The following PARVB variants were observed in gnomAD, a reference collection of about 807,000 sequenced individuals.
PARVB encodes parvin beta.
In PARVB, 46 loss-of-function variants were observed where a neutral mutation model predicts 47.0. The ratio of observed to expected loss-of-function variants is 0.98; its 90% confidence interval spans 0.77 to 1.25. PARVB has a LOEUF of 1.25. PARVB is among the 50% of genes most tolerant of loss of function. The pLI is 0.00. For missense variants in PARVB, 473 were observed against 471.6 expected, an observed-to-expected ratio of 1.00 and a Z score of -0.03; for synonymous variants, 196 against 196.3, an observed-to-expected ratio of 1.00 and a Z score of 0.01.
rs137920524 is a variant in PARVB, at chr22:44,122,488, A to G, written c.376+3348A>G. Among the ~76,000 whole-genome samples the G allele has an allele frequency of 4.8e-3, 367 of 76,642 alleles. 2 individuals are homozygous for G. Among genetic ancestry groups the G allele is most frequent in the East Asian group, 0.039 (102 of 2,610 alleles). The allele number at this position is 76,642 out of a possible 152,430, so 50.3% of individuals were successfully genotyped here. A position where few individuals can be genotyped will look rare whatever the true frequency, so the allele number is the denominator to read the frequency against. ...GCAACAGAGTGAGACCCTGTCGATC[A>G]AGAGAGAGAGAGAGAGAGAGAGAGA... On this transcript the variant is annotated intron_variant, in intron 4 of 12. Coordinates refer to ENST00000338758, the MANE Select transcript of PARVB (RefSeq NM_013327.5).
intron 1 of PARVB, among the ~76,000 whole-genome samples, chr22:44,093,001 A>G (rs2052208745): frequency 6.6e-6 from 1 of 152,194 alleles, no homozygotes; most frequent in Non-Finnish European, 1.5e-5. Context: ...GTGATCAGGG[A>G]CTGCTCCCCA....
chr22:44,131,396 C>T, intron 4 of PARVB, 91 bp from the exon 5 acceptor site: 2 of 1,392,976 alleles, frequency 1.4e-6, no homozygotes, highest in Non-Finnish European at 2.0e-6. Flanking sequence ...CCCACCTCGG[C>T]CTCTCAAACT....
intron 1 of PARVB, among the ~76,000 whole-genome samples, chr22:44,077,886 C>T (rs770710244): frequency 6.6e-6 from 1 of 151,972 alleles, no homozygotes; most frequent in Non-Finnish European, 1.5e-5. Flanking sequence ...TTAGTTGAGA[C>T]GGGTTTTCAC....
chr22:44,066,043 T>A lies in PARVB; in HGVS notation c.113-27885T>A, dbSNP rs1476487806. ...ATACCCAGTAGTCTCCTACTTCTTT[T>A]TAAAGGAAGCCTTGCTCTTTCTTAA... On this transcript the variant is annotated intron_variant, in intron 1 of 12. Transcript: ENST00000338758. Among the ~76,000 whole-genome samples the A allele has an allele frequency of 3.1e-4, 47 of 152,164 alleles. 1 individual carries two copies. Among genetic ancestry groups the A allele is most frequent in the Admixed American group, 3.1e-3 (47 of 15,264 alleles).
chr22:44,023,610 G>C (rs1033081778), upstream of PARVB, among the ~76,000 whole-genome samples: 14 of 150,190 alleles, frequency 9.3e-5, no homozygotes, highest in East Asian at 2.5e-3. Flanking sequence ...AATAAAAATA[G>C]CCCTGTCTGG....
rs117434547 is a variant in PARVB, at chr22:44,072,829, T to C, written c.113-21099T>C. On this transcript the variant is annotated intron_variant, in intron 1 of 12. Transcript: ENST00000338758. ...GAAAGGAACAAGTTTCCGTCATGAATAAGTCCCCTACCTACTAGGGATGTA... is the reference window on the plus strand; with the variant it reads ...GAAAGGAACAAGTTTCCGTCATGAACAAGTCCCCTACCTACTAGGGATGTA... Among the ~76,000 whole-genome samples the C allele has an allele frequency of 3.9e-4, 60 of 152,262 alleles. 2 individuals are homozygous for C. In the East Asian group the frequency reaches 0.01, roughly 26 times the overall value.
intron 3 of PARVB, chr22:44,114,611 C>G (rs1453794578): frequency 1.2e-5 from 1 of 81,494 alleles, no homozygotes; most frequent in East Asian, 4.9e-4. Flanking sequence ...TACATTGTTA[C>G]TAAGGCCCTG....
chr22:44,140,760 A>G, intron 8 of PARVB: 1 of 346,698 alleles, frequency 2.9e-6, no homozygotes, highest in South Asian at 2.1e-5. Flanking sequence ...TGGCCGGGGG[A>G]CAGCCCTCTA....
chr22:44,138,579 G>C (rs1467110388), intron 7 of PARVB, among the ~76,000 whole-genome samples: 1 of 152,182 alleles, frequency 6.6e-6, no homozygotes, highest in Non-Finnish European at 1.5e-5. Context: ...TTGGATGTCT[G>C]CTGAAAACCA....
intron 1 of PARVB, among the ~76,000 whole-genome samples, chr22:44,027,516 G>A (rs7288265): frequency 0.45 from 68,359 of 152,140 alleles, 16,664 homozygotes; most frequent in East Asian, 0.66. Context: ...TGAAGGCAGC[G>A]GGGCGAGAGC....
At position 44,038,880 on chromosome 22, in the gene PARVB, C is replaced by T. The variant is rs1358711411; in HGVS notation, c.112+14429C>T. Among the ~76,000 whole-genome samples the T allele has an allele frequency of 2.0e-5, 3 of 152,130 alleles. No individual in the cohort carries two copies. The East Asian group carries it at 5.8e-4, about 29-fold the overall frequency. ...ACATGTTTGATAAAAGACTGGGGTC[C>T]AGGAGATGGAGAGAACTTCCGCAAC... On this transcript the variant is annotated intron_variant, in intron 1 of 12. Transcript: ENST00000338758.
chr22:44,024,529 G>A, intron 1 of PARVB, 78 bp downstream of exon 1: 1 of 647,818 alleles, frequency 1.5e-6, no homozygotes, highest in Non-Finnish European at 2.0e-6. Flanking sequence ...GCCCCACGAG[G>A]CCGCCCCCGC....
intron 2 of PARVB, among the ~76,000 whole-genome samples, chr22:44,099,114 G>T (rs2052379524): frequency 6.6e-6 from 1 of 152,180 alleles, no homozygotes; most frequent in Non-Finnish European, 1.5e-5. Flanking sequence ...CTTCTGCCTG[G>T]AGCCCCTCTT....
At chr22:44,081,461 T>C (rs1041094508) in intron 1 of PARVB, 3 of 261,602 alleles carry the variant, frequency 1.1e-5, no homozygotes, top group Non-Finnish European at 1.2e-5. Flanking sequence ...GACTTAATGA[T>C]TTAATCTTCT....
chr22:44,139,775 G>A (rs1040892991), intron 7 of PARVB: 23 of 293,682 alleles, frequency 7.8e-5, no homozygotes, highest in Middle Eastern at 1.2e-3. Flanking sequence ...AGCGTTCCAC[G>A]GCTGCTGGAA....
At chr22:44,011,780 T>A (rs1253368365) in intron 2 of PARVB, among the ~76,000 whole-genome samples, 2 of 152,144 alleles carry the variant, frequency 1.3e-5, no homozygotes, top group Non-Finnish European at 2.9e-5. Flanking sequence ...AGCTCCAGCA[T>A]CGTAGAGCAA....
At chr22:44,006,905 CT>C (rs1382470571) in intron 2 of PARVB, among the ~76,000 whole-genome samples, 3 of 152,226 alleles carry the variant, frequency 2.0e-5, no homozygotes, top group South Asian at 4.1e-4. Context: ...GTACCTCCCC[CT>C]GTCATGCCCC....
intron 2 of PARVB, among the ~76,000 whole-genome samples, chr22:44,004,570 A>T (rs1212062846): frequency 1.3e-5 from 2 of 152,216 alleles, no homozygotes; most frequent in Non-Finnish European, 2.9e-5. Flanking sequence ...CAATAAGTTT[A>T]GGTGGCAAGA....
rs1358963855 is a variant in PARVB, at chr22:44,089,991, G to T, written c.113-3937G>T. On this transcript the variant is annotated intron_variant, in intron 1 of 12. Transcript: ENST00000338758. The surrounding 1 kb of genome is among the most constrained non-coding windows in gnomAD (Gnocchi z 4.0). ...CTTGTGGTCACTCTTCCTCCAGTCTGTGTCTCTCTTGGAGCCTAATCACAG... is the reference window on the plus strand; with the variant it reads ...CTTGTGGTCACTCTTCCTCCAGTCTTTGTCTCTCTTGGAGCCTAATCACAG... Among the ~76,000 whole-genome samples the T allele has an allele frequency of 1.3e-5, 2 of 152,182 alleles. No homozygotes were observed. Among genetic ancestry groups the T allele is most frequent in the African/African-American group, 4.8e-5 (2 of 41,448 alleles).
Sources: allele counts gnomAD v4.1 joint callset (sites outside exome capture counted in the v4.1 genomes callset), GRCh38; gene constraint gnomAD v4.1.1; non-coding constraint Gnocchi (gnomAD v3.1); transcripts MANE v1.5; gene names NCBI Gene and HGNC (gene_info 2026-07-23, HGNC 2026-07-21).